NCKAP5: variants seen among roughly 807,000 people sequenced by gnomAD.
The protein encoded by NCKAP5 is NCK associated protein 5.
NCKAP5 carries 92 observed loss-of-function variants against 167.0 expected under a neutral mutation model. The observed-to-expected ratio is 0.55, with a 90% CI of 0.47 to 0.66. The LOEUF is 0.66. NCKAP5 is among the 30% of genes least tolerant of loss of function. NCKAP5 has a pLI of 0.00. For synonymous variants in NCKAP5, 891 were observed against 877.4 expected (o/e 1.02, Z -0.27); for missense variants, 2,378 against 2,315.0 (o/e 1.03, Z -0.56).
chr2:133,295,154 C>T (rs996541849), intron 4 of NCKAP5, among the ~76,000 whole-genome samples: 4 of 152,104 alleles, frequency 2.6e-5, no homozygotes, highest in African/African-American at 9.7e-5. Context: ...CTCTTTTCCC[C>T]TTTTACCAAC....
intron 5 of NCKAP5, among the ~76,000 whole-genome samples, chr2:133,131,662 T>C (rs892074423): frequency 3.9e-5 from 6 of 152,140 alleles, no homozygotes; most frequent in Admixed American, 3.9e-4. Flanking sequence ...TCAGAAAAAC[T>C]AAAATCAAAA....
At chr2:133,418,718 C>T (rs1006782048) in intron 3 of NCKAP5, among the ~76,000 whole-genome samples, 10 of 152,136 alleles carry the variant, frequency 6.6e-5, no homozygotes, top group African/African-American at 2.4e-4. Context: ...CAGTTTGGGT[C>T]ATTTCAATTG....
chr2:133,403,703 C>T (rs193014918), intron 3 of NCKAP5, among the ~76,000 whole-genome samples: 79 of 152,348 alleles, frequency 5.2e-4, no homozygotes, highest in Admixed American at 1.8e-3. Flanking sequence ...AGAATGTCCC[C>T]ACTTTGGGCA....
At chr2:133,071,369 CG>C (rs1345705057) in intron 6 of NCKAP5, among the ~76,000 whole-genome samples, 36 of 152,006 alleles carry the variant, frequency 2.4e-4, no homozygotes, top group South Asian at 6.2e-4. Flanking sequence ...GGTGTGAACC[CG>C]GGAGGCGGAG....
intron 11 of NCKAP5, among the ~76,000 whole-genome samples, chr2:132,827,169 A>G (rs1017481678): frequency 6.6e-6 from 1 of 152,236 alleles, no homozygotes; most frequent in African/African-American, 2.4e-5. Flanking sequence ...CTGAGCATTT[A>G]CTGTATGACA....
At chr2:133,133,742 T>C (rs916413042) in intron 5 of NCKAP5, among the ~76,000 whole-genome samples, 1 of 152,226 alleles carries the variant, frequency 6.6e-6, no homozygotes, top group Non-Finnish European at 1.5e-5. Flanking sequence ...TTACAAAATG[T>C]GTCCACCTTC....
intron 13 of NCKAP5, among the ~76,000 whole-genome samples, chr2:132,789,393 C>A: frequency 6.6e-6 from 1 of 152,130 alleles, no homozygotes; most frequent in East Asian, 1.9e-4. Flanking sequence ...GGAATAAGCC[C>A]TAAATGCAAC....
chr2:132,809,460 C>T (rs1685688065), intron 11 of NCKAP5, among the ~76,000 whole-genome samples: 1 of 152,018 alleles, frequency 6.6e-6, no homozygotes, highest in Non-Finnish European at 1.5e-5. Flanking sequence ...CAGGGTTATG[C>T]ATATATTTTT....
chr2:133,330,244 A>ATTTTTTTTTTTTTTTT (rs765058418), intron 3 of NCKAP5, among the ~76,000 whole-genome samples: 3 of 88,168 alleles, frequency 3.4e-5, no homozygotes, highest in Non-Finnish European at 6.2e-5. Context: ...TATTTTTTGT[A>ATTTTTTTTTTTTTTTT]TTTTTTTTTT....
intron 8 of NCKAP5, among the ~76,000 whole-genome samples, chr2:132,912,239 G>C (rs1297801408): frequency 6.6e-6 from 1 of 152,138 alleles, no homozygotes; most frequent in African/African-American, 2.4e-5. Flanking sequence ...GTGGCACAGT[G>C]CCCTTTGGGA....
At chr2:133,191,114 G>A (rs2085198789) in intron 5 of NCKAP5, among the ~76,000 whole-genome samples, 1 of 152,012 alleles carries the variant, frequency 6.6e-6, no homozygotes, top group Non-Finnish European at 1.5e-5. Context: ...GTGAGCAAAG[G>A]AGATCAACAA....
At chr2:133,517,640 T>C (rs1199058455) in intron 2 of NCKAP5, 53 bp from the exon 3 acceptor site, 1 of 562,558 alleles carries the variant, frequency 1.8e-6, no homozygotes, top group Non-Finnish European at 2.8e-6. Flanking sequence ...GTTTAGACCT[T>C]TGTTTTTAAC....
chr2:133,653,862 T>C, the NCKAP5 span, among the ~76,000 whole-genome samples: 2 of 152,324 alleles, frequency 1.3e-5, no homozygotes, highest in Admixed American at 6.5e-5. Flanking sequence ...ACTTGAGAGA[T>C]GACAGAAAAT....
At chr2:133,064,007 G>A (rs1053567106) in intron 6 of NCKAP5, among the ~76,000 whole-genome samples, 1 of 152,136 alleles carries the variant, frequency 6.6e-6, no homozygotes, top group African/African-American at 2.4e-5. Context: ...TCGTTTCTTA[G>A]CAGTTGTTGC....
At chr2:132,882,367 C>T (rs1180278680) in intron 8 of NCKAP5, among the ~76,000 whole-genome samples, 1 of 152,110 alleles carries the variant, frequency 6.6e-6, no homozygotes, top group Non-Finnish European at 1.5e-5. Context: ...AGGCTCAACA[C>T]CCCCACCCCA....
chr2:133,048,354 G>A (rs1184790340), intron 6 of NCKAP5, among the ~76,000 whole-genome samples: 1 of 152,188 alleles, frequency 6.6e-6, no homozygotes, highest in Non-Finnish European at 1.5e-5. Context: ...CTGGCATATA[G>A]AAGGTATGCA....
At chr2:133,128,802 T>TCA (rs975973949) in intron 6 of NCKAP5, among the ~76,000 whole-genome samples, 4 of 152,158 alleles carry the variant, frequency 2.6e-5, no homozygotes, top group Non-Finnish European at 5.9e-5. Context: ...TTTGCCATGT[T>TCA]GGCCAGGCTG....
At chr2:132,771,323 T>A (rs965400116) in intron 16 of NCKAP5, among the ~76,000 whole-genome samples, 4 of 152,118 alleles carry the variant, frequency 2.6e-5, no homozygotes, top group Non-Finnish European at 4.4e-5. Context: ...GGAAAAAAAA[T>A]TTTTAATAGA....
chr2:133,289,826 G>A (rs1431900320), intron 4 of NCKAP5, among the ~76,000 whole-genome samples: 1 of 152,156 alleles, frequency 6.6e-6, no homozygotes, highest in Non-Finnish European at 1.5e-5. Flanking sequence ...GCATGGGTGG[G>A]GAGGCCTCAG....
Sources: gnomAD v4.1 joint callset for allele counts (sites outside exome capture counted in the v4.1 genomes callset) on GRCh38, gnomAD v4.1.1 for gene constraint, MANE v1.5 for transcripts, NCBI Gene and HGNC (gene_info 2026-07-23, HGNC 2026-07-21) for gene names.